Variants in DDX19B observed in about 807,000 individuals in gnomAD.
DDX19B encodes DEAD-box helicase 19B, also known as ATP-dependent RNA helicase DDX19B.
DDX19B carries 27 observed loss-of-function variants against 58.1 expected under a neutral mutation model. The observed-to-expected ratio is 0.46, with a 90% CI of 0.34 to 0.64. The LOEUF (loss-of-function observed/expected upper bound fraction) is 0.64. Ranked by LOEUF, DDX19B falls within the 30% of genes least tolerant of loss-of-function variation. DDX19B has a pLI of 0.01. For synonymous variants in DDX19B, 187 were observed against 214.4 expected, an observed-to-expected ratio of 0.87 and a Z score of 1.12; for missense variants, 399 against 596.5, an observed-to-expected ratio of 0.67 and a Z score of 3.45.
At chr16:70,311,816 AC>A in intron 1 of DDX19B, among the ~76,000 whole-genome samples, 1 of 151,280 alleles carries the variant, frequency 6.6e-6, no homozygotes, top group African/African-American at 2.4e-5. Context: ...ACTGATTCCT[AC>A]CCACAGATGC....
In DDX19B at chr16:70,316,698, A is replaced by C. The variant is rs543040130; in HGVS notation, c.296+594A>C. Reference sequence around the variant, plus strand: ...TGTAGATGCTTTGGGATATTTAGTAAAATTTCCAGATGATGGATAAAAGCT... The same window carrying C: ...TGTAGATGCTTTGGGATATTTAGTACAATTTCCAGATGATGGATAAAAGCT... On this transcript the variant is annotated intron_variant, in intron 4 of 11. Coordinates refer to ENST00000288071, the MANE Select transcript of DDX19B (RefSeq NM_007242.7). 1.6e-4 allele frequency among the ~76,000 whole-genome samples: 25 copies of C among 152,266 alleles called. 1 individual carries two copies. The highest frequency in any genetic ancestry group is 9.8e-4 in the Admixed American group (15 of 15,280).
intron 1 of DDX19B, among the ~76,000 whole-genome samples, chr16:70,307,384 CAA>C (rs921094432): frequency 1.3e-5 from 2 of 151,968 alleles, no homozygotes; most frequent in Non-Finnish European, 2.9e-5. Flanking sequence ...TTTTTGGAGA[CAA>C]GAGTCTCGCA....
In DDX19B at chr16:70,306,736, T is replaced by C. The variant is rs150553466; in HGVS notation, c.58-5873T>C. Reference sequence around the variant, plus strand: ...ACAGAATCTTGAGACCCTATTATTATGACATTATGGTGAGATTAAAGTGTA... The same window carrying C: ...ACAGAATCTTGAGACCCTATTATTACGACATTATGGTGAGATTAAAGTGTA... On this transcript the variant is annotated intron_variant, in intron 1 of 11. Coordinates refer to ENST00000288071, the MANE Select transcript of DDX19B (RefSeq NM_007242.7). 4.9e-3 allele frequency among the ~76,000 whole-genome samples: 744 copies of C among 152,326 alleles called. 13 individuals are homozygous for C. The highest frequency in any genetic ancestry group is 0.017 in the African/African-American group (691 of 41,566).
At chr16:70,310,955 C>T (rs533494173) in intron 1 of DDX19B, among the ~76,000 whole-genome samples, 18 of 150,286 alleles carry the variant, frequency 1.2e-4, no homozygotes, top group Admixed American at 5.3e-4. Context: ...GGCATGAACC[C>T]GGGAGGCGGA....
Position 70,334,446 on chromosome 16 carries a change from CT to C in DDX19B, c.*865del, listed in dbSNP as rs1282483767. The C allele has an allele frequency of 1.3e-5, 2 of 152,184 alleles. No individual in the cohort carries two copies. Among genetic ancestry groups the C allele is most frequent in the Non-Finnish European group, 1.5e-5 (1 of 68,068 alleles). 9.4% of individuals were successfully genotyped at this position (152,184 alleles called of 1,614,324 possible). ...CACAGTAGCCCCAAACAAATGTGAT[CT>C]GAGGTTTAGATCCTCAGTGAAAATT... On this transcript the variant is annotated 3_prime_UTR_variant, in exon 12 of 12. Transcript: ENST00000288071.
chr16:70,290,410 C>T (rs951696711), upstream of DDX19B, among the ~76,000 whole-genome samples: 1 of 152,108 alleles, frequency 6.6e-6, no homozygotes, highest in Non-Finnish European at 1.5e-5. Context: ...ATCTGTAGTC[C>T]CAGCCACTCG....
At chr16:70,327,009 T>C (rs1241457465) in intron 7 of DDX19B, among the ~76,000 whole-genome samples, 1 of 151,838 alleles carries the variant, frequency 6.6e-6, no homozygotes, top group African/African-American at 2.4e-5. Context: ...TAATTTTTTG[T>C]ATTTTTAGTA....
At chr16:70,324,563 A>G (rs1198761541) in intron 5 of DDX19B, 22 bp from the exon 6 acceptor site, 1 of 1,602,402 alleles carries the variant, frequency 6.2e-7, no homozygotes, top group Non-Finnish European at 8.5e-7. Context: ...TTAAGCTCCT[A>G]ACTAGTTTGT....
chr16:70,306,606 GATA>G (rs1961767740), intron 1 of DDX19B, among the ~76,000 whole-genome samples: 1 of 152,142 alleles, frequency 6.6e-6, no homozygotes, highest in Non-Finnish European at 1.5e-5. Context: ...TGAATCCAGT[GATA>G]ATAAAAACTC....
chr16:70,316,211 GT>G (rs35388962), intron 4 of DDX19B, 107 bp downstream of exon 4: 64,782 of 1,192,030 alleles, frequency 0.054, 1,212 homozygotes, highest in African/African-American at 0.24. Flanking sequence ...AGCTAACCAA[GT>G]TTTTTTTTTT....
intron 9 of DDX19B, among the ~76,000 whole-genome samples, chr16:70,331,143 C>A (rs1439258576): frequency 6.6e-6 from 1 of 152,148 alleles, no homozygotes; most frequent in African/African-American, 2.4e-5. Context: ...GTGGCATGGT[C>A]ATAGCTCACT....
chr16:70,305,198 T>G (rs988571158), intron 1 of DDX19B, among the ~76,000 whole-genome samples: 1 of 152,206 alleles, frequency 6.6e-6, no homozygotes, highest in Non-Finnish European at 1.5e-5. Flanking sequence ...CCTCCCGGTC[T>G]GGCCAGATTT....
chr16:70,299,095 T>C (rs1049480499), upstream of DDX19B: 3 of 1,311,570 alleles, frequency 2.3e-6, no homozygotes, highest in Admixed American at 3.8e-5. Context: ...GGTACGGGTC[T>C]GAGGGCAACA....
At chr16:70,303,080 T>C (rs1453511647) in intron 1 of DDX19B, among the ~76,000 whole-genome samples, 1 of 152,210 alleles carries the variant, frequency 6.6e-6, no homozygotes, top group African/African-American at 2.4e-5. Context: ...TAGGATTGTT[T>C]TTGTTTTTAG....
intron 5 of DDX19B, among the ~76,000 whole-genome samples, chr16:70,323,605 G>C (rs1962971803): frequency 6.6e-6 from 1 of 151,578 alleles, no homozygotes; most frequent in Non-Finnish European, 1.5e-5. Flanking sequence ...TGTATTTTTA[G>C]TAGAGTCAGG....
In DDX19B at chr16:70,317,518, G is replaced by C. The variant is rs1452142406; in HGVS notation, c.319G>C (p.Val107Leu). The change falls in exon 5 of 12, where the codon GTC (valine) becomes CTC (leucine). Residue 107 changes from valine to leucine, a missense_variant. Physicochemically the swap from Val to Leu is conservative, Grantham distance 32 (BLOSUM62 1). This residue lies in a region of DDX19B where 132 missense variants were observed against 159.4 expected (regional missense o/e 0.83). Coordinates refer to ENST00000288071, the MANE Select transcript of DDX19B (RefSeq NM_007242.7). ...TAGGAAACCACAGCTTCTCCAAGGAGTCTATGCCATGGGTTTCAATCGTCC... is the reference window on the plus strand; with the variant it reads ...TAGGAAACCACAGCTTCTCCAAGGACTCTATGCCATGGGTTTCAATCGTCC... The part of the protein sequence containing the change: ...LRLKPQLLQG[V>L]YAMGFNRPSK... 3 of 1,613,230 alleles carry C rather than the reference G, an allele frequency of 1.9e-6. No homozygotes were observed. In the South Asian group the frequency reaches 3.3e-5, roughly 18 times the overall value.
chr16:70,324,471 C>A, intron 5 of DDX19B, 114 bp from the exon 6 acceptor site: 1 of 771,216 alleles, frequency 1.3e-6, no homozygotes, highest in Non-Finnish European at 2.0e-6. Context: ...GCATATGTAA[C>A]TCTGCTACAT....
intron 5 of DDX19B, among the ~76,000 whole-genome samples, chr16:70,320,901 C>G (rs908287071): frequency 6.6e-6 from 1 of 150,624 alleles, no homozygotes; most frequent in Non-Finnish European, 1.5e-5. Flanking sequence ...CTATGTTGCC[C>G]AGGCTGGTCT....
chr16:70,333,939 T>C lies in DDX19B; in HGVS notation c.*357T>C, dbSNP rs982609837. 9 of 353,094 alleles carry C rather than the reference T, an allele frequency of 2.5e-5. No homozygotes were observed. The highest frequency in any genetic ancestry group is 8.5e-5 in the African/African-American group (4 of 47,186). 21.9% of individuals were successfully genotyped at this position (353,094 alleles called of 1,614,324 possible). A position where few individuals can be genotyped will look rare whatever the true frequency, so the allele number is the denominator to read the frequency against. Reference sequence around the variant, plus strand: ...CCTCTGCTTGTTCTCTGGCTTGGAGTGGATGGGGCAGCCTCCAGCTCCTGT... The same window carrying C: ...CCTCTGCTTGTTCTCTGGCTTGGAGCGGATGGGGCAGCCTCCAGCTCCTGT... On this transcript the variant is annotated 3_prime_UTR_variant, in exon 12 of 12. Transcript: ENST00000288071.
Sources: gnomAD v4.1 joint callset for allele counts (sites outside exome capture counted in the v4.1 genomes callset) on GRCh38, gnomAD v4.1.1 for gene constraint, gnomAD v4.1.1 regional missense constraint, MANE v1.5 for transcripts, NCBI Gene and HGNC (gene_info 2026-07-23, HGNC 2026-07-21) for gene names.